Variants in TPRG1 observed in about 807,000 individuals in gnomAD.
TPRG1 encodes tumor protein p63 regulated 1, also known as tumor protein p63-regulated gene 1 protein.
Under a neutral mutation model 29.3 loss-of-function variants are expected in TPRG1, and 29 were observed. The observed-to-expected ratio is 0.99, with a 90% CI of 0.74 to 1.35. The LOEUF (loss-of-function observed/expected upper bound fraction) is 1.35. Among genes scored for constraint, TPRG1 ranks in the 40% most tolerant of loss-of-function variants. The probability of loss-of-function intolerance (pLI) is 0.00; values close to 1 mark genes in which losing one functional copy is unlikely to be tolerated. For missense variants in TPRG1, 327 were observed against 335.0 expected (o/e 0.98, Z 0.19); for synonymous variants, 130 against 116.8 (o/e 1.11, Z -0.73).
intron 4 of TPRG1, among the ~76,000 whole-genome samples, chr3:189,039,673 A>T (rs1360155717): frequency 1.3e-5 from 2 of 152,172 alleles, no homozygotes; most frequent in Non-Finnish European, 2.9e-5. Context: ...AAAACCACAA[A>T]GTTTTTGCAA....
At chr3:189,034,486 T>C (rs1299036362) in intron 4 of TPRG1, among the ~76,000 whole-genome samples, 1 of 152,154 alleles carries the variant, frequency 6.6e-6, no homozygotes. Context: ...ATTTAATATA[T>C]TGGCAACATA....
At chr3:189,254,905 G>C (rs1391837402) in intron 4 of TPRG1, among the ~76,000 whole-genome samples, 1 of 152,190 alleles carries the variant, frequency 6.6e-6, no homozygotes, top group Non-Finnish European at 1.5e-5. Context: ...TTGTTTATCA[G>C]CTTAAGGAGT....
At chr3:189,255,815 G>A (rs1265966106) in intron 4 of TPRG1, among the ~76,000 whole-genome samples, 2 of 152,158 alleles carry the variant, frequency 1.3e-5, no homozygotes, top group Admixed American at 6.5e-5. Context: ...TTGCATAGAC[G>A]TGTTCATAGT....
Position 189,059,970 on chromosome 3 carries a change from C to T in TPRG1, c.-463+36024C>T, listed in dbSNP as rs143914596. Among the ~76,000 whole-genome samples the T allele has an allele frequency of 2.3e-3, 356 of 152,268 alleles. 2 individuals carry two copies. Among genetic ancestry groups the T allele is most frequent in the African/African-American group, 8.2e-3 (342 of 41,566 alleles). On this transcript the variant is annotated intron_variant, in intron 4 of 10. Coordinates refer to the TPRG1 transcript ENST00000433971. ...ACTCTTGGCTGAGTGTGGTGGCTTACGCCTGTAAGCCCAGCACTTTGGGAG... is the reference window on the plus strand; with the variant it reads ...ACTCTTGGCTGAGTGTGGTGGCTTATGCCTGTAAGCCCAGCACTTTGGGAG...
chr3:189,019,545 C>T (rs1301996448), intron 3 of TPRG1, among the ~76,000 whole-genome samples: 6 of 152,248 alleles, frequency 3.9e-5, no homozygotes, highest in African/African-American at 4.8e-5. Context: ...TACTGATTTG[C>T]GTGTATTGAA....
rs1738570683 is a variant in TPRG1, at chr3:189,231,121, G to A, written c.303-7612G>A. On this transcript the variant is annotated intron_variant, in intron 3 of 5. Transcript: ENST00000345063. Reference sequence around the variant, plus strand: ...CTGCAAAGGGAACTTTACATATAATGCATGGTCTGTATTTTAAGTCAGAGT... The same window carrying A: ...CTGCAAAGGGAACTTTACATATAATACATGGTCTGTATTTTAAGTCAGAGT... 2.6e-5 allele frequency among the ~76,000 whole-genome samples: 4 copies of A among 152,208 alleles called. No homozygotes were observed. In the South Asian group the frequency reaches 8.3e-4, roughly 32 times the overall value.
rs1724572121 is a variant in TPRG1 at position 189,324,591 on chromosome 3, C to T, written c.*3771C>T. 1.3e-5 allele frequency: 2 copies of T among 152,158 alleles called. No individual in the cohort carries two copies. Among genetic ancestry groups the T allele is most frequent in the African/African-American group, 4.8e-5 (2 of 41,444 alleles). The allele number at this position is 152,158 out of a possible 1,614,324, so 9.4% of individuals were successfully genotyped here. ...AAAAGCCCAAACAAAGCTGCGGAAGCTGGCAGAGCCAGCAGATATTTTGTA... is the reference window on the plus strand; with the variant it reads ...AAAAGCCCAAACAAAGCTGCGGAAGTTGGCAGAGCCAGCAGATATTTTGTA... On this transcript the variant is annotated 3_prime_UTR_variant, in exon 6 of 6. Transcript: ENST00000345063.
chr3:189,290,309 T>A (rs1718782479), intron 4 of TPRG1, among the ~76,000 whole-genome samples: 1 of 152,202 alleles, frequency 6.6e-6, no homozygotes, highest in Non-Finnish European at 1.5e-5. Flanking sequence ...ACTTACATGG[T>A]TCCCTCCTTT....
At chr3:189,127,261 C>A (rs1188177384) in intron 2 of TPRG1, 1 of 152,212 alleles carries the variant, frequency 6.6e-6, no homozygotes, top group East Asian at 1.9e-4. Context: ...AATTATGATG[C>A]CTATAGGAAT....
intron 1 of TPRG1, among the ~76,000 whole-genome samples, chr3:189,201,463 A>G (rs1325395565): frequency 2.0e-5 from 3 of 152,214 alleles, no homozygotes; most frequent in Non-Finnish European, 2.9e-5. Flanking sequence ...GAGGGCCAGC[A>G]GCCCAGAAGG....
chr3:189,126,253 A>G (rs945361502), intron 1 of TPRG1, among the ~76,000 whole-genome samples: 9 of 152,200 alleles, frequency 5.9e-5, no homozygotes, highest in Admixed American at 6.5e-5. Flanking sequence ...CATGGAGGGT[A>G]GAGCTATATT....
At chr3:189,177,820 T>C (rs7627161) in intron 1 of TPRG1, among the ~76,000 whole-genome samples, 74,253 of 151,976 alleles carry the variant, frequency 0.49, 18,302 homozygotes, top group South Asian at 0.56. Flanking sequence ...AGACAATGCA[T>C]CCCTAAATTA....
chr3:189,078,686 T>C (rs1338581773), intron 4 of TPRG1, among the ~76,000 whole-genome samples: 1 of 152,242 alleles, frequency 6.6e-6, no homozygotes, highest in African/African-American at 2.4e-5. Context: ...TATTATGCTT[T>C]ATTATGTAAT....
At chr3:189,137,070 C>G (rs948843687) in intron 3 of TPRG1, among the ~76,000 whole-genome samples, 1 of 152,118 alleles carries the variant, frequency 6.6e-6, no homozygotes, top group African/African-American at 2.4e-5. Flanking sequence ...AATGATTTGT[C>G]CCAGCAAGGT....
chr3:189,087,231 T>C (rs1377260614), intron 4 of TPRG1, among the ~76,000 whole-genome samples: 1 of 152,210 alleles, frequency 6.6e-6, no homozygotes, highest in Non-Finnish European at 1.5e-5. Flanking sequence ...TCATTGTGGT[T>C]TTGATTTGCA....
chr3:189,218,944 C>T (rs1443746992), intron 3 of TPRG1, among the ~76,000 whole-genome samples: 2 of 152,074 alleles, frequency 1.3e-5, no homozygotes, highest in Non-Finnish European at 2.9e-5. Context: ...AGGGCCTTTG[C>T]ATCATGTTAA....
chr3:189,221,278 T>A (rs1375939), intron 3 of TPRG1, among the ~76,000 whole-genome samples: 5 of 152,020 alleles, frequency 3.3e-5, no homozygotes, highest in African/African-American at 9.7e-5. Flanking sequence ...AAACATTACC[T>A]TCAGTTTATA....
chr3:189,037,665 A>G (rs1198031694), intron 4 of TPRG1, among the ~76,000 whole-genome samples: 1 of 151,860 alleles, frequency 6.6e-6, no homozygotes, highest in Non-Finnish European at 1.5e-5. Flanking sequence ...TCACTGCTGG[A>G]AGATGAAAGA....
intron 3 of TPRG1, among the ~76,000 whole-genome samples, chr3:189,227,951 T>A (rs1022689740): frequency 1.3e-5 from 2 of 152,022 alleles, no homozygotes; most frequent in Non-Finnish European, 2.9e-5. Flanking sequence ...GTGAAACCCC[T>A]TCTCTACTAA....
Sources: allele counts gnomAD v4.1 joint callset (sites outside exome capture counted in the v4.1 genomes callset), GRCh38; gene constraint gnomAD v4.1.1; transcripts MANE v1.5; gene names NCBI Gene and HGNC (gene_info 2026-07-23, HGNC 2026-07-21).